Variants in RAC1 observed in about 807,000 individuals in gnomAD.
RAC1 encodes ras-related C3 botulinum toxin substrate 1.
A neutral mutation model predicts 25.2 loss-of-function variants in RAC1; 2 were observed. The observed-to-expected ratio is 0.08, with a 90% confidence interval of 0.03 to 0.25. The LOEUF (loss-of-function observed/expected upper bound fraction) is 0.25, where lower values mean the gene tolerates loss of function less well. Ranked by LOEUF, RAC1 falls within the 10% of genes least tolerant of loss-of-function variation. The pLI is 1.00. For synonymous variants in RAC1, 88 were observed against 94.0 expected (o/e 0.94, Z 0.37); for missense variants, 50 against 235.7 (o/e 0.21, Z 5.16).
chr7:6,377,130 C>A (rs865833181), intron 1 of RAC1, among the ~76,000 whole-genome samples: 1 of 151,552 alleles, frequency 6.6e-6, no homozygotes, highest in Non-Finnish European at 1.5e-5. Context: ...ACTGTTATTG[C>A]GGTTTCTACT....
At chr7:6,396,671 A>G (rs1291592402) in intron 3 of RAC1, among the ~76,000 whole-genome samples, 3 of 152,214 alleles carry the variant, frequency 2.0e-5, no homozygotes, top group South Asian at 2.1e-4. Context: ...CAAATCTTCA[A>G]CAGTAGCCCA....
intron 1 of RAC1, among the ~76,000 whole-genome samples, chr7:6,376,497 TTTTC>T (rs1240431005): frequency 1.3e-4 from 18 of 141,346 alleles, no homozygotes; most frequent in African/African-American, 4.4e-4. Flanking sequence ...TTTTTTTTTT[TTTTC>T]TTTTCTTTTT....
At chr7:6,381,652 C>T (rs545409425) in intron 1 of RAC1, among the ~76,000 whole-genome samples, 18 of 152,260 alleles carry the variant, frequency 1.2e-4, no homozygotes, top group African/African-American at 4.1e-4. Context: ...ACCTTGCCCT[C>T]CTAAAGTGCT....
At position 6,402,785 on chromosome 7, in the gene RAC1, T is replaced by C; in HGVS notation, c.*339T>C. The stretch of plus-strand genomic sequence containing the variant: ...AAATACCTTCTGAACTACACTGCAT[T>C]GTTGTGCCGAGAACACCGAGCACTG... On this transcript the variant is annotated 3_prime_UTR_variant, in exon 6 of 6. Coordinates refer to ENST00000348035, the MANE Select transcript of RAC1 (RefSeq NM_006908.5). The C allele has an allele frequency of 9.0e-6, 2 of 222,328 alleles. No individual in the cohort carries two copies. The highest frequency in any genetic ancestry group is 1.8e-5 in the Non-Finnish European group (2 of 110,968). 13.8% of individuals were successfully genotyped at this position (222,328 alleles called of 1,614,324 possible).
intron 1 of RAC1, among the ~76,000 whole-genome samples, chr7:6,379,125 G>A (rs575361493): frequency 1.3e-5 from 2 of 151,932 alleles, no homozygotes; most frequent in East Asian, 1.9e-4. Flanking sequence ...TTACATTCAG[G>A]TATTTATAAA....
At chr7:6,377,144 G>C (rs1180029931) in intron 1 of RAC1, among the ~76,000 whole-genome samples, 2 of 151,704 alleles carry the variant, frequency 1.3e-5, no homozygotes, top group Admixed American at 6.6e-5. Context: ...TTCTACTACT[G>C]AGACTCTGTG....
rs566590527 is a variant in RAC1 at position 6,401,262 on chromosome 7, G to A, written c.289-606G>A. Among the ~76,000 whole-genome samples, 17 of 152,260 alleles carry A rather than the reference G, an allele frequency of 1.1e-4. No individual in the cohort carries two copies. In the South Asian group the frequency reaches 3.5e-3, roughly 32 times the overall value. Reference sequence around the variant, plus strand: ...TGAGCCACTATGCCCGGCCTAATACGTGGATTTTTAAAGCTTCAGGTTCTG... The same window carrying A: ...TGAGCCACTATGCCCGGCCTAATACATGGATTTTTAAAGCTTCAGGTTCTG... On this transcript the variant is annotated intron_variant, in intron 4 of 5. Coordinates refer to ENST00000348035, the MANE Select transcript of RAC1 (RefSeq NM_006908.5).
chr7:6,374,723 G>C lies in RAC1; in HGVS notation c.-13G>C. 1.8e-6 allele frequency: 2 copies of C among 1,111,424 alleles called. No homozygotes were observed. Among genetic ancestry groups the C allele is most frequent in the African/African-American group, 1.7e-5 (1 of 59,586 alleles). The allele number at this position is 1,111,424 out of a possible 1,614,324, so 68.8% of individuals were successfully genotyped here. A position where few individuals can be genotyped will look rare whatever the true frequency, so the allele number is the denominator to read the frequency against. The stretch of plus-strand genomic sequence containing the variant: ...GCCCTGCCGCCGCCGCCGCGGCCCA[G>C]CGAGCGGCCCTGATGCAGGCCATCA... On this transcript the variant is annotated 5_prime_UTR_variant, in exon 1 of 6. Transcript: ENST00000348035.
In RAC1 at chr7:6,392,053, A is replaced by T; in HGVS notation, c.225+12A>T. 1 of 1,614,166 alleles carries T rather than the reference A, an allele frequency of 6.2e-7. No homozygotes were observed. Among genetic ancestry groups the T allele is most frequent in the Non-Finnish European group, 8.5e-7 (1 of 1,180,016 alleles). ...CCTATCCGCAAACAGTAAGGATTGC[A>T]GCTGACTTTTAATGTGTCTTTTAGA... On this transcript the variant is annotated intron_variant, in intron 3 of 5. Transcript: ENST00000348035.
intron 3 of RAC1, among the ~76,000 whole-genome samples, chr7:6,397,419 G>A (rs984531868): frequency 1.3e-5 from 2 of 151,478 alleles, no homozygotes; most frequent in East Asian, 2.0e-4. Context: ...TCAGCCTCCC[G>A]AGTAGCTGGG....
intron 1 of RAC1, among the ~76,000 whole-genome samples, chr7:6,383,388 T>A (rs1455394754): frequency 6.6e-6 from 1 of 151,688 alleles, no homozygotes; most frequent in Non-Finnish European, 1.5e-5. Flanking sequence ...TAAAGAGGAG[T>A]CGATTTTATC....
chr7:6,376,675 T>G (rs866655047), intron 1 of RAC1, among the ~76,000 whole-genome samples: 3 of 83,342 alleles, frequency 3.6e-5, no homozygotes, highest in Non-Finnish European at 8.3e-5. Flanking sequence ...CTAATTTGTT[T>G]TTTTTTTTTT....
intron 1 of RAC1, among the ~76,000 whole-genome samples, chr7:6,376,904 A>G (rs1782620927): frequency 6.6e-6 from 1 of 151,378 alleles, no homozygotes; most frequent in African/African-American, 2.4e-5. Context: ...TGCTGTTTGA[A>G]TTGGCTGTTT....
intron 4 of RAC1, among the ~76,000 whole-genome samples, chr7:6,400,397 A>C (rs1425738590): frequency 2.0e-5 from 3 of 151,676 alleles, no homozygotes; most frequent in African/African-American, 7.3e-5. Flanking sequence ...TGGTGACATC[A>C]GAGCTCACTG....
At chr7:6,378,372 C>G (rs896436768) in intron 1 of RAC1, among the ~76,000 whole-genome samples, 1 of 151,744 alleles carries the variant, frequency 6.6e-6, no homozygotes, top group Non-Finnish European at 1.5e-5. Context: ...ATGGCAAAAC[C>G]CTGTCTCTAC....
chr7:6,374,755 T>C lies in RAC1; in HGVS notation c.20T>C (p.Val7Ala). The C allele has an allele frequency of 8.7e-7, 1 of 1,144,764 alleles. No individual in the cohort carries two copies. The highest frequency in any genetic ancestry group is 2.8e-4 in the Middle Eastern group (1 of 3,514). The allele number at this position is 1,144,764 out of a possible 1,614,324, so 70.9% of individuals were successfully genotyped here. A position where few individuals can be genotyped will look rare whatever the true frequency, so the allele number is the denominator to read the frequency against. ...GCCCTGATGCAGGCCATCAAGTGTG[T>C]GGTGGTGGGAGACGGGTGAGTGCGC... is the stretch of plus-strand genomic sequence containing the variant. Reference protein sequence around the residue: MQAIKCVVVGDGAVGKT... With the variant: MQAIKCAVVGDGAVGKT... The change falls in exon 1 of 6, where the codon GTG becomes GCG. Residue 7 changes from valine to alanine, a missense_variant. Val to Ala is a moderately conservative substitution (Grantham distance 64). Coordinates refer to ENST00000348035, the MANE Select transcript of RAC1 (RefSeq NM_006908.5).
intron 3 of RAC1, among the ~76,000 whole-genome samples, chr7:6,397,037 A>AG (rs1783257118): frequency 1.9e-5 from 1 of 53,438 alleles, no homozygotes; most frequent in Non-Finnish European, 3.2e-5. Flanking sequence ...TCTCAAAAAC[A>AG]AAAAAAAAAA....
intron 1 of RAC1, among the ~76,000 whole-genome samples, chr7:6,383,784 C>CTTTTTTTTTTTTTTTTT (rs34847745): frequency 3.5e-4 from 14 of 39,802 alleles, no homozygotes; most frequent in African/African-American, 1.0e-3. Flanking sequence ...CAACCTTTAT[C>CTTTTTTTTTTTTTTTTT]TTTTTTTTTT....
intron 3 of RAC1, among the ~76,000 whole-genome samples, chr7:6,395,697 C>T (rs1042209125): frequency 6.6e-6 from 1 of 152,100 alleles, no homozygotes; most frequent in East Asian, 1.9e-4. Flanking sequence ...TCAATAGTAA[C>T]ACCTCCACCA....
Sources: gnomAD v4.1 joint callset for allele counts (sites outside exome capture counted in the v4.1 genomes callset) on GRCh38, gnomAD v4.1.1 for gene constraint, MANE v1.5 for transcripts, NCBI Gene and HGNC (gene_info 2026-07-23, HGNC 2026-07-21) for gene names.